The following AGFG1 variants were observed in gnomAD, a reference collection of about 807,000 sequenced individuals.
AGFG1 encodes the protein arf-GAP domain and FG repeat-containing protein 1.
A neutral mutation model predicts 60.6 loss-of-function variants in AGFG1; 10 were observed. The observed-to-expected ratio is 0.16, with a 90% confidence interval of 0.10 to 0.28. The LOEUF (loss-of-function observed/expected upper bound fraction) is 0.28, where lower values mean the gene tolerates loss of function less well. AGFG1 is among the 10% of genes least tolerant of loss of function. The probability of loss-of-function intolerance (pLI) is 1.00; values close to 1 mark genes in which losing one functional copy is unlikely to be tolerated. For synonymous variants in AGFG1, 247 were observed against 242.9 expected, an observed-to-expected ratio of 1.02 and a Z score of -0.16; for missense variants, 537 against 676.5, an observed-to-expected ratio of 0.79 and a Z score of 2.29.
In AGFG1 at chr2:227,536,974, C is replaced by A. The variant is rs753805477; in HGVS notation, c.1359C>A (p.Thr453=). The A allele has an allele frequency of 6.2e-7, 1 of 1,612,744 alleles. No individual in the cohort carries two copies. Among genetic ancestry groups the A allele is most frequent in the Non-Finnish European group, 8.5e-7 (1 of 1,179,180 alleles). The change falls in exon 10 of 13, where the codon ACC becomes ACA. Residue 453 remains threonine, a synonymous_variant. Coordinates refer to ENST00000310078, the MANE Select transcript of AGFG1 (RefSeq NM_004504.5). ...SVASSTNPFQ[T]NARGATAATF... The stretch of plus-strand genomic sequence containing the variant: ...CATCTTCTACAAACCCATTTCAGAC[C>A]AATGCCAGAGGAGCAACAGGTAAGA...
At chr2:227,532,185 G>A (rs1271462237) in intron 6 of AGFG1, 1 of 1,548,320 alleles carries the variant, frequency 6.5e-7, no homozygotes, top group Non-Finnish European at 8.7e-7. Context: ...ATTTACTTCA[G>A]CTTTTCCTCT....
chr2:227,528,395 A>T (rs1174048491), intron 5 of AGFG1, among the ~76,000 whole-genome samples: 4 of 152,136 alleles, frequency 2.6e-5, no homozygotes, highest in Non-Finnish European at 5.9e-5. Context: ...GCAAAATCCC[A>T]GAAAACATGG....
At chr2:227,494,340 T>G (rs553667905) in intron 2 of AGFG1, among the ~76,000 whole-genome samples, 17 of 152,208 alleles carry the variant, frequency 1.1e-4, no homozygotes, top group Non-Finnish European at 2.4e-4. Flanking sequence ...AGTTTACATT[T>G]CAAAATAAGT....
In AGFG1 at chr2:227,497,730, G is replaced by GTT. The variant is rs148621752; in HGVS notation, c.261+6093_261+6094dup. On this transcript the variant is annotated intron_variant, in intron 2 of 12. Coordinates refer to ENST00000310078, the MANE Select transcript of AGFG1 (RefSeq NM_004504.5). ...ATATAGCCAAATGAGTTTCTTTCTT[G>GTT]TTTTGTTTTTTTTTTTTTTTTTTTT... Among the ~76,000 whole-genome samples, 84 of 38,922 alleles carry GTT rather than the reference G, an allele frequency of 2.2e-3. 4 individuals are homozygous for GTT. The highest frequency in any genetic ancestry group is 0.017 in the Middle Eastern group (1 of 60). 25.5% of individuals were successfully genotyped at this position (38,922 alleles called of 152,430 possible). A position where few individuals can be genotyped will look rare whatever the true frequency, so the allele number is the denominator to read the frequency against.
chr2:227,543,175 T>G (rs1371955580), intron 10 of AGFG1, among the ~76,000 whole-genome samples: 1 of 152,234 alleles, frequency 6.6e-6, no homozygotes, highest in Non-Finnish European at 1.5e-5. Flanking sequence ...GCTGTGATCT[T>G]AGTTATTTCT....
At chr2:227,509,950 TAA>T (rs1691447493) in intron 2 of AGFG1, among the ~76,000 whole-genome samples, 1 of 151,954 alleles carries the variant, frequency 6.6e-6, no homozygotes. Flanking sequence ...AAAGGCAGAG[TAA>T]ATAAAATTAA....
At chr2:227,485,659 C>T (rs1311713198) in intron 1 of AGFG1, among the ~76,000 whole-genome samples, 2 of 125,474 alleles carry the variant, frequency 1.6e-5, no homozygotes, top group Non-Finnish European at 3.3e-5. Flanking sequence ...TCAGTGTTAC[C>T]TTCCAGTTCA....
At chr2:227,514,872 T>TTGC (rs1310044497) in intron 2 of AGFG1, among the ~76,000 whole-genome samples, 1 of 152,202 alleles carries the variant, frequency 6.6e-6, no homozygotes, top group East Asian at 1.9e-4. Context: ...ATTTTATCAC[T>TTGC]TGCTGCATCT....
Position 227,519,925 on chromosome 2 carries a change from T to G in AGFG1, c.262-23T>G, listed in dbSNP as rs201911317. ...AAGTGAAGATGTTGAATTTAACATA[T>G]ATTTTTTTAATTCTTTCCAAAGGTC... On this transcript the variant is annotated intron_variant, in intron 2 of 12. Coordinates refer to ENST00000310078, the MANE Select transcript of AGFG1 (RefSeq NM_004504.5). 2,795 of 1,411,434 alleles carry G rather than the reference T, an allele frequency of 2.0e-3. 4 individuals carry two copies. The highest frequency in any genetic ancestry group is 2.5e-3 in the Non-Finnish European group (2,559 of 1,022,910). The allele number at this position is 1,411,434 out of a possible 1,614,324, so 87.4% of individuals were successfully genotyped here.
At chr2:227,510,172 T>C (rs1691453042) in intron 2 of AGFG1, among the ~76,000 whole-genome samples, 1 of 152,060 alleles carries the variant, frequency 6.6e-6, no homozygotes, top group Admixed American at 6.6e-5. Context: ...GGAGGGGTGC[T>C]TACTGTACTC....
At chr2:227,538,727 G>A (rs1692387702) in intron 10 of AGFG1, among the ~76,000 whole-genome samples, 1 of 152,108 alleles carries the variant, frequency 6.6e-6, no homozygotes, top group African/African-American at 2.4e-5. Context: ...CTCTGAGTTG[G>A]TTCTATCATT....
At chr2:227,508,608 A>G (rs1207925197) in intron 2 of AGFG1, 2 of 470,736 alleles carry the variant, frequency 4.2e-6, no homozygotes, top group South Asian at 1.6e-5. Flanking sequence ...GATTCATAAT[A>G]TCTTTGGGAG....
intron 2 of AGFG1, among the ~76,000 whole-genome samples, chr2:227,518,631 C>T (rs1217753621): frequency 1.3e-5 from 2 of 148,528 alleles, no homozygotes; most frequent in Non-Finnish European, 3.0e-5. Flanking sequence ...TCAAGCCATT[C>T]TTCTGACTCA....
At chr2:227,481,756 C>T (rs1690471510) in intron 1 of AGFG1, among the ~76,000 whole-genome samples, 2 of 151,930 alleles carry the variant, frequency 1.3e-5, no homozygotes, top group Admixed American at 6.6e-5. Flanking sequence ...ATGAGATAAA[C>T]ACATCATGGT....
chr2:227,535,776 C>G (rs529426768), intron 8 of AGFG1, among the ~76,000 whole-genome samples: 9 of 152,030 alleles, frequency 5.9e-5, no homozygotes, highest in Non-Finnish European at 1.3e-4. Context: ...TGTAACACTT[C>G]CGGAAACATA....
intron 1 of AGFG1, among the ~76,000 whole-genome samples, chr2:227,483,389 G>A (rs182887765): frequency 6.6e-6 from 1 of 151,888 alleles, no homozygotes; most frequent in African/African-American, 2.4e-5. Context: ...TAATTTTTTG[G>A]TATGCAGTTC....
chr2:227,552,021 A>C lies in AGFG1; in HGVS notation c.1441A>C (p.Ser481Arg), dbSNP rs1264354072. ...AGGATTCGGCACTCCTGCTCCCTAC[A>C]GTCTTCCCACCAGCTTTAGTGGCAG... is the stretch of plus-strand genomic sequence containing the variant. ...PTGFGTPAPY[S>R]LPTSFSGSFQ... The change falls in exon 11 of 13, where the codon AGT becomes CGT. Residue 481 changes from serine (S) to arginine (R), a missense_variant. Around this residue, in one of 4 missense-constraint regions of AGFG1, gnomAD observed 287 missense variants for 343.6 expected, o/e 0.84. Transcript: ENST00000310078. 6.2e-7 allele frequency: 1 copy of C among 1,614,142 alleles called. No homozygotes were observed. The highest frequency in any genetic ancestry group is 8.5e-7 in the Non-Finnish European group (1 of 1,180,028).
At chr2:227,476,683 G>T (rs1690290059) in intron 1 of AGFG1, among the ~76,000 whole-genome samples, 2 of 152,140 alleles carry the variant, frequency 1.3e-5, no homozygotes, top group African/African-American at 2.4e-5. Flanking sequence ...ATGAAAAGAG[G>T]TATTTAATGT....
At position 227,560,889 on chromosome 2, in the gene AGFG1, T is replaced by G. The variant is rs975074146; in HGVS notation, c.*6394T>G. 2.0e-5 allele frequency: 3 copies of G among 152,158 alleles called. No individual in the cohort carries two copies. Among genetic ancestry groups the G allele is most frequent in the African/African-American group, 7.2e-5 (3 of 41,454 alleles). The allele number at this position is 152,158 out of a possible 1,614,324, so 9.4% of individuals were successfully genotyped here. ...AAAGTTTATTTTCAATGAAGAATAC[T>G]TGTCCTAATAGCTCATAAAAAGTAC... On this transcript the variant is annotated 3_prime_UTR_variant, in exon 13 of 13. Transcript: ENST00000310078.
Sources: allele counts gnomAD v4.1 joint callset (sites outside exome capture counted in the v4.1 genomes callset), GRCh38; gene constraint gnomAD v4.1.1; regional missense constraint gnomAD v4.1.1; transcripts MANE v1.5; gene names NCBI Gene and HGNC (gene_info 2026-07-23, HGNC 2026-07-21).